The following STXBP5L variants were observed in gnomAD, a reference collection of about 807,000 sequenced individuals.
STXBP5L encodes syntaxin-binding protein 5-like.
Under a neutral mutation model 144.5 loss-of-function variants are expected in STXBP5L, and 65 were observed. The observed-to-expected ratio is 0.45, with a 90% CI of 0.37 to 0.55. The LOEUF (loss-of-function observed/expected upper bound fraction) is 0.55, where lower values mean the gene tolerates loss of function less well. STXBP5L is among the 20% of genes least tolerant of loss of function. The pLI, the probability that STXBP5L is intolerant of heterozygous loss-of-function variation, is 0.00. For synonymous variants in STXBP5L, 505 were observed against 469.6 expected (o/e 1.08, Z -0.97); for missense variants, 1,298 against 1,405.5 (o/e 0.92, Z 1.22).
At chr3:120,992,780 C>G (rs1426809367) in intron 3 of STXBP5L, among the ~76,000 whole-genome samples, 1 of 151,760 alleles carries the variant, frequency 6.6e-6, no homozygotes, top group East Asian at 1.9e-4. Context: ...GCAGATATTC[C>G]TTTGTTACAC....
At chr3:121,018,246 G>A (rs1945282734) in intron 3 of STXBP5L, among the ~76,000 whole-genome samples, 1 of 152,098 alleles carries the variant, frequency 6.6e-6, no homozygotes, top group African/African-American at 2.4e-5. Context: ...ATATGGAATG[G>A]CAAAAGACCC....
At chr3:121,012,239 ACTT>A (rs1944828020) in intron 3 of STXBP5L, among the ~76,000 whole-genome samples, 1 of 151,746 alleles carries the variant, frequency 6.6e-6, no homozygotes, top group Non-Finnish European at 1.5e-5. Context: ...TTGCCTTTCT[ACTT>A]CTTGGTTATT....
chr3:121,025,104 G>T (rs1945834653), intron 3 of STXBP5L, among the ~76,000 whole-genome samples: 1 of 152,128 alleles, frequency 6.6e-6, no homozygotes, highest in South Asian at 2.1e-4. Context: ...TGACTCTTAG[G>T]TAACCACCCA....
chr3:120,967,594 T>C (rs1370882791), intron 3 of STXBP5L, among the ~76,000 whole-genome samples: 1 of 152,208 alleles, frequency 6.6e-6, no homozygotes, highest in African/African-American at 2.4e-5. Flanking sequence ...GTCTCAATTT[T>C]ATATCTTTAT....
In STXBP5L at chr3:121,424,702, A is replaced by T. The variant is rs1334807633; in HGVS notation, c.*5605A>T. 1 of 152,188 alleles carries T rather than the reference A, an allele frequency of 6.6e-6. No individual in the cohort carries two copies. The highest frequency in any genetic ancestry group is 1.5e-5 in the Non-Finnish European group (1 of 68,026). The allele number at this position is 152,188 out of a possible 1,614,324, so 9.4% of individuals were successfully genotyped here. A position where few individuals can be genotyped will look rare whatever the true frequency, so the allele number is the denominator to read the frequency against. ...TGTTGCACTCAGCAATTGTGACTAT[A>T]CTTAACAAAATTCTTGTAGTCTGTA... On this transcript the variant is annotated 3_prime_UTR_variant, in exon 27 of 27. Transcript: ENST00000471454.
intron 23 of STXBP5L, among the ~76,000 whole-genome samples, chr3:121,409,534 T>C (rs1302304024): frequency 6.6e-6 from 1 of 151,836 alleles, no homozygotes; most frequent in Non-Finnish European, 1.5e-5. Context: ...TAGATCAGGG[T>C]TTAGCAAATT....
intron 9 of STXBP5L, among the ~76,000 whole-genome samples, chr3:121,196,835 T>TATTGATTG (rs34277105): frequency 0.017 from 2,580 of 148,694 alleles, 57 homozygotes; most frequent in African/African-American, 0.051. Flanking sequence ...ATGCCCAGAT[T>TATTGATTG]ATTGATTGAT....
At chr3:121,128,897 A>G (rs1259441337) in intron 7 of STXBP5L, among the ~76,000 whole-genome samples, 2 of 152,132 alleles carry the variant, frequency 1.3e-5, no homozygotes, top group African/African-American at 4.8e-5. Context: ...GCTAGTTGTC[A>G]CTGAAAAAGA....
intron 5 of STXBP5L, among the ~76,000 whole-genome samples, chr3:121,097,586 C>A (rs911133442): frequency 6.6e-6 from 1 of 152,132 alleles, no homozygotes; most frequent in African/African-American, 2.4e-5. Flanking sequence ...CGACTTCTTG[C>A]ACTTCCTGGG....
In STXBP5L at chr3:121,303,130, C is replaced by T. The variant is rs1293818202; in HGVS notation, c.2111-15345C>T. On this transcript the variant is annotated intron_variant, in intron 19 of 26. Transcript: ENST00000471454. ...TGGGAGAAAATTTTTGCAATCTACT[C>T]ATCTGACAAAGGGCTAATATCCAGA... Among the ~76,000 whole-genome samples, 5 of 152,110 alleles carry T rather than the reference C, an allele frequency of 3.3e-5. No individual in the cohort carries two copies. In the South Asian group the frequency reaches 8.3e-4, roughly 25 times the overall value.
intron 5 of STXBP5L, chr3:121,049,511 G>A (rs1028290125): frequency 1.9e-5 from 3 of 154,188 alleles, no homozygotes; most frequent in East Asian, 3.9e-4. Context: ...TCCCCAGCCT[G>A]AGGGCAAACA....
At chr3:121,365,183 G>A (rs1354625599) in intron 20 of STXBP5L, among the ~76,000 whole-genome samples, 1 of 151,620 alleles carries the variant, frequency 6.6e-6, no homozygotes, top group Non-Finnish European at 1.5e-5. Flanking sequence ...TGAGTATTTT[G>A]CATCACTGTT....
chr3:121,097,851 G>A (rs2043208748), intron 5 of STXBP5L, among the ~76,000 whole-genome samples: 1 of 152,134 alleles, frequency 6.6e-6, no homozygotes. Flanking sequence ...TAATACAATG[G>A]ATGCCATTAC....
intron 2 of STXBP5L, among the ~76,000 whole-genome samples, chr3:120,917,329 G>A (rs537113292): frequency 3.3e-5 from 5 of 152,270 alleles, no homozygotes; most frequent in African/African-American, 4.8e-5. Flanking sequence ...ATAATTAGTA[G>A]CATCAGTACC....
intron 3 of STXBP5L, among the ~76,000 whole-genome samples, chr3:120,978,481 T>G (rs532609921): frequency 6.6e-6 from 1 of 152,298 alleles, no homozygotes; most frequent in African/African-American, 2.4e-5. Context: ...TTCTTTGCCT[T>G]TGGTTTGAAT....
intron 2 of STXBP5L, among the ~76,000 whole-genome samples, chr3:120,929,488 T>C (rs930700000): frequency 6.6e-6 from 1 of 152,174 alleles, no homozygotes; most frequent in African/African-American, 2.4e-5. Context: ...TTTCTTTATA[T>C]AAATGTAATG....
At chr3:121,418,697 T>C in intron 26 of STXBP5L, 140 bp downstream of exon 26, 2 of 857,438 alleles carry the variant, frequency 2.3e-6, no homozygotes, top group Admixed American at 3.0e-5. Context: ...CTTCTAAGTA[T>C]TATAATTCTC....
At chr3:121,198,226 C>A (rs1330673411) in intron 9 of STXBP5L, among the ~76,000 whole-genome samples, 1 of 152,180 alleles carries the variant, frequency 6.6e-6, no homozygotes, top group Non-Finnish European at 1.5e-5. Flanking sequence ...TTTTGATTTG[C>A]ATTTCTCTAA....
In STXBP5L at chr3:121,215,672, TA is replaced by T. The variant is rs1241550246; in HGVS notation, c.957-7330del. 5.3e-5 allele frequency among the ~76,000 whole-genome samples: 8 copies of T among 152,310 alleles called. No individual in the cohort carries two copies. In the East Asian group the frequency reaches 1.5e-3, roughly 29 times the overall value. On this transcript the variant is annotated intron_variant, in intron 10 of 26. Transcript: ENST00000471454. ...TCTCAACTTTAGTGAATCTGACGATTATGTGTCTTGAGGTTGCTCTTCTCTA... is the reference window on the plus strand; with the variant it reads ...TCTCAACTTTAGTGAATCTGACGATTTGTGTCTTGAGGTTGCTCTTCTCTA...
Sources: gnomAD v4.1 joint callset for allele counts (sites outside exome capture counted in the v4.1 genomes callset) on GRCh38, gnomAD v4.1.1 for gene constraint, MANE v1.5 for transcripts, NCBI Gene and HGNC (gene_info 2026-07-23, HGNC 2026-07-21) for gene names.